Variants in PARD3B observed in about 807,000 individuals in gnomAD.
PARD3B encodes the protein par-3 family cell polarity regulator beta, also known as partitioning defective 3 homolog B.
A neutral mutation model predicts 130.2 loss-of-function variants in PARD3B; 103 were observed. The observed-to-expected ratio is 0.79, with a 90% CI of 0.67 to 0.93. PARD3B has a LOEUF of 0.93. Ranked by LOEUF, PARD3B falls within the 40% of genes least tolerant of loss-of-function variation. PARD3B has a pLI of 0.00. For synonymous variants in PARD3B, 583 were observed against 553.2 expected, an observed-to-expected ratio of 1.05 and a Z score of -0.76; for missense variants, 1,609 against 1,499.2, an observed-to-expected ratio of 1.07 and a Z score of -1.21.
intron 2 of PARD3B, among the ~76,000 whole-genome samples, chr2:204,914,324 C>T (rs2047361825): frequency 6.6e-6 from 1 of 152,116 alleles, no homozygotes; most frequent in African/African-American, 2.4e-5. Flanking sequence ...ACAAGGACCC[C>T]GTTTTTAGCT....
At chr2:204,695,177 A>T (rs1275940155) in intron 2 of PARD3B, among the ~76,000 whole-genome samples, 1 of 151,960 alleles carries the variant, frequency 6.6e-6, no homozygotes, top group Non-Finnish European at 1.5e-5. Context: ...ACCCAGTTCT[A>T]CCAATTTTCT....
At chr2:205,224,365 C>T (rs1223234834) in intron 15 of PARD3B, among the ~76,000 whole-genome samples, 5 of 5,322 alleles carry the variant, frequency 9.4e-4, no homozygotes, top group South Asian at 4.6e-3. Flanking sequence ...AGCGAGACTC[C>T]GTCTCAAAAA....
intron 21 of PARD3B, among the ~76,000 whole-genome samples, chr2:205,514,246 T>A (rs1575213063): frequency 6.6e-6 from 1 of 152,216 alleles, no homozygotes; most frequent in South Asian, 2.1e-4. Context: ...TGATTTTGCA[T>A]AGGATATATC....
intron 15 of PARD3B, among the ~76,000 whole-genome samples, chr2:205,227,094 C>A (rs1403156455): frequency 6.6e-6 from 1 of 151,462 alleles, no homozygotes; most frequent in Non-Finnish European, 1.5e-5. Flanking sequence ...GTTTTGTAGT[C>A]TAATGTGTGG....
intron 18 of PARD3B, among the ~76,000 whole-genome samples, chr2:205,338,439 A>G (rs905793769): frequency 1.3e-5 from 2 of 152,184 alleles, no homozygotes; most frequent in East Asian, 3.9e-4. Context: ...CCATGGGAAA[A>G]CATCATTTAA....
At chr2:204,930,597 G>C (rs1279359477) in intron 2 of PARD3B, among the ~76,000 whole-genome samples, 1 of 151,974 alleles carries the variant, frequency 6.6e-6, no homozygotes, top group East Asian at 1.9e-4. Flanking sequence ...CTTCAGACCT[G>C]TTACTTACTG....
chr2:205,553,604 A>G (rs1173675425), intron 22 of PARD3B, among the ~76,000 whole-genome samples: 1 of 152,194 alleles, frequency 6.6e-6, no homozygotes, highest in African/African-American at 2.4e-5. Flanking sequence ...AGGGGAGAAA[A>G]TAGTATATCA....
Position 205,301,543 on chromosome 2 carries a change from A to C in PARD3B, c.2472A>C (p.Leu824=). ...CESAPQGNSE[L]EDMENKARKV... ...CTGCCCCTCAGGGGAATTCGGAGCT[A>C]GAGGACATGGAAAATAAAGCCAGGA... Residue 824 remains leucine, a synonymous_variant, in exon 18 of 23, where the codon CTA becomes CTC. Coordinates refer to ENST00000406610, the MANE Select transcript of PARD3B (RefSeq NM_001302769.2). This position sits in a 1 kb window ranked among gnomAD's most constrained non-coding sequence, Gnocchi z 5.2. 6.2e-7 allele frequency: 1 copy of C among 1,614,098 alleles called. No individual in the cohort carries two copies. The highest frequency in any genetic ancestry group is 8.5e-7 in the Non-Finnish European group (1 of 1,180,028).
At chr2:204,720,591 T>C (rs1484216518) in intron 2 of PARD3B, among the ~76,000 whole-genome samples, 2 of 152,132 alleles carry the variant, frequency 1.3e-5, no homozygotes, top group Non-Finnish European at 2.9e-5. Flanking sequence ...TTGTATCTCA[T>C]TGAGATCTTG....
intron 2 of PARD3B, among the ~76,000 whole-genome samples, chr2:204,852,473 CCT>C (rs1351756891): frequency 1.2e-4 from 18 of 152,116 alleles, no homozygotes; most frequent in Admixed American, 4.6e-4. Context: ...AGAGAGCTGT[CCT>C]ATTTTTTCCC....
chr2:204,545,969 GC>G lies in PARD3B; in HGVS notation c.-28del. Reference sequence around the variant, plus strand: ...GCCCGCGGGGTCAGACACCTGTTCGGCCCGGCCCGGCGTGGTCGCCGGGGGC... The same window carrying G: ...GCCCGCGGGGTCAGACACCTGTTCGGCCGGCCCGGCGTGGTCGCCGGGGGC... On this transcript the variant is annotated 5_prime_UTR_variant, in exon 1 of 23. Coordinates refer to ENST00000406610, the MANE Select transcript of PARD3B (RefSeq NM_001302769.2). 2.6e-6 allele frequency: 4 copies of G among 1,536,670 alleles called. No individual in the cohort carries two copies. The highest frequency in any genetic ancestry group is 3.5e-6 in the Non-Finnish European group (4 of 1,141,430).
In PARD3B at chr2:205,244,224, G is replaced by C. The variant is rs1385648773; in HGVS notation, c.2141-1554G>C. On this transcript the variant is annotated intron_variant, in intron 15 of 22. Transcript: ENST00000406610. This position sits in a 1 kb window ranked among gnomAD's most constrained non-coding sequence, Gnocchi z 4.7. Reference sequence around the variant, plus strand: ...TGGGTCAATTAAGACTGAATGTTGTGGGCAGAGAAAAAAAGGGACATGTTA... The same window carrying C: ...TGGGTCAATTAAGACTGAATGTTGTCGGCAGAGAAAAAAAGGGACATGTTA... Among the ~76,000 whole-genome samples, 1 of 152,078 alleles carries C rather than the reference G, an allele frequency of 6.6e-6. No homozygotes were observed. The highest frequency in any genetic ancestry group is 2.4e-5 in the African/African-American group (1 of 41,420).
chr2:205,594,626 G>C (rs962020262), intron 22 of PARD3B, among the ~76,000 whole-genome samples: 1 of 152,178 alleles, frequency 6.6e-6, no homozygotes, highest in African/African-American at 2.4e-5. Flanking sequence ...GACCTCCAAG[G>C]AAGGCAAGTC....
chr2:205,375,841 G>A (rs1213842986), intron 18 of PARD3B, among the ~76,000 whole-genome samples: 1 of 152,140 alleles, frequency 6.6e-6, no homozygotes, highest in Non-Finnish European at 1.5e-5. Context: ...AACAGAGAAG[G>A]GGAGAAACAA....
At chr2:204,778,727 CCAT>C (rs1362630400) in intron 2 of PARD3B, among the ~76,000 whole-genome samples, 2 of 152,066 alleles carry the variant, frequency 1.3e-5, no homozygotes, top group Non-Finnish European at 2.9e-5. Flanking sequence ...TACTTAACTG[CCAT>C]CATGCTAGTC....
At position 205,421,344 on chromosome 2, in the gene PARD3B, G is replaced by A. The variant is rs2046966527; in HGVS notation, c.2742-19026G>A. 6.6e-6 allele frequency among the ~76,000 whole-genome samples: 1 copy of A among 152,110 alleles called. No individual in the cohort carries two copies. Among genetic ancestry groups the A allele is most frequent in the South Asian group, 2.1e-4 (1 of 4,818 alleles). ...TGTGCCTACACAATGCAGGCACATT[G>A]CAATGTCTCCAATATAATTGTTATG... On this transcript the variant is annotated intron_variant, in intron 19 of 22. Coordinates refer to ENST00000406610, the MANE Select transcript of PARD3B (RefSeq NM_001302769.2). The surrounding 1 kb of genome is among the most constrained non-coding windows in gnomAD (Gnocchi z 5.1).
In PARD3B at chr2:204,943,881, G is replaced by T. The variant is rs116584787; in HGVS notation, c.223-21271G>T. 6.6e-6 allele frequency among the ~76,000 whole-genome samples: 1 copy of T among 152,104 alleles called. No individual in the cohort carries two copies. Among genetic ancestry groups the T allele is most frequent in the Non-Finnish European group, 1.5e-5 (1 of 68,024 alleles). On this transcript the variant is annotated intron_variant, in intron 2 of 22. Coordinates refer to ENST00000406610, the MANE Select transcript of PARD3B (RefSeq NM_001302769.2). The surrounding 1 kb of genome is among the most constrained non-coding windows in gnomAD (Gnocchi z 4.2). ...ATTTCAGAGGGGAAACAAAGTTAAAGCCCAAAGAGTAAAATACTAAAGGGA... is the reference window on the plus strand; with the variant it reads ...ATTTCAGAGGGGAAACAAAGTTAAATCCCAAAGAGTAAAATACTAAAGGGA...
intron 18 of PARD3B, among the ~76,000 whole-genome samples, chr2:205,343,234 A>G (rs2043609005): frequency 6.6e-6 from 1 of 152,150 alleles, no homozygotes; most frequent in African/African-American, 2.4e-5. Context: ...ATATCTCCTA[A>G]TTGCCCTCAA....
intron 4 of PARD3B, among the ~76,000 whole-genome samples, chr2:205,050,450 C>A (rs1022047242): frequency 1.3e-5 from 2 of 151,628 alleles, no homozygotes; most frequent in South Asian, 4.1e-4. Context: ...CATAGCCAAA[C>A]TTATGGAATG....
Sources: allele counts gnomAD v4.1 joint callset (sites outside exome capture counted in the v4.1 genomes callset), GRCh38; gene constraint gnomAD v4.1.1; non-coding constraint Gnocchi (gnomAD v3.1); transcripts MANE v1.5; gene names NCBI Gene and HGNC (gene_info 2026-07-23, HGNC 2026-07-21).